The following PTPRG variants were observed in gnomAD, a reference collection of about 807,000 sequenced individuals.
The protein encoded by PTPRG is protein tyrosine phosphatase receptor type G, also known as receptor-type tyrosine-protein phosphatase gamma.
PTPRG carries 102 observed loss-of-function variants against 165.3 expected under a neutral mutation model. That is an observed-to-expected ratio of 0.62 (90% confidence interval 0.53 to 0.73). The LOEUF is 0.73. Ranked by LOEUF, PTPRG falls within the 30% of genes least tolerant of loss-of-function variation. PTPRG has a pLI of 0.00. For synonymous variants in PTPRG, 675 were observed against 669.5 expected, an observed-to-expected ratio of 1.01 and a Z score of -0.13; for missense variants, 1,866 against 1,861.4, an observed-to-expected ratio of 1.00 and a Z score of -0.05.
intron 1 of PTPRG, among the ~76,000 whole-genome samples, chr3:61,725,692 C>T (rs2032228294): frequency 1.3e-5 from 2 of 149,232 alleles, no homozygotes; most frequent in South Asian, 4.3e-4. Flanking sequence ...CCCTGCCTAC[C>T]TCCACCACTA....
rs368976276 is a variant in PTPRG, at chr3:62,062,367, T to A, written c.520-15796T>A. 3.3e-5 allele frequency among the ~76,000 whole-genome samples: 5 copies of A among 152,244 alleles called. No homozygotes were observed. The South Asian group carries it at 8.3e-4, about 25-fold the overall frequency. On this transcript the variant is annotated intron_variant, in intron 4 of 29. Transcript: ENST00000474889. ...CTGTTGTTTGATAAAGCAGGTACAT[T>A]TAAATGTTAAGGGAGGTATCTAGGT...
intron 2 of PTPRG, among the ~76,000 whole-genome samples, chr3:61,973,698 G>A (rs772716265): frequency 6.6e-6 from 1 of 152,010 alleles, no homozygotes; most frequent in Admixed American, 6.6e-5. Context: ...TGGGCGTGGT[G>A]GTGGGCGCCT....
intron 13 of PTPRG, among the ~76,000 whole-genome samples, chr3:62,221,142 T>C (rs1373111158): frequency 6.6e-6 from 1 of 152,250 alleles, no homozygotes; most frequent in Non-Finnish European, 1.5e-5. Flanking sequence ...CAACTGTTTA[T>C]ACTTCTGAAA....
intron 3 of PTPRG, among the ~76,000 whole-genome samples, chr3:62,001,166 T>G (rs2107717906): frequency 6.6e-6 from 1 of 152,288 alleles, no homozygotes; most frequent in African/African-American, 2.4e-5. Context: ...CTCATTCCAG[T>G]TTTGTGTGTA....
chr3:61,743,008 A>G, intron 1 of PTPRG: 1 of 1,557,134 alleles, frequency 6.4e-7, no homozygotes, highest in Non-Finnish European at 8.9e-7. Flanking sequence ...GCTGATCTGC[A>G]ACTCCACCGT....
chr3:61,887,164 A>ATATATATATATATATATATG (rs2038072515), intron 2 of PTPRG, among the ~76,000 whole-genome samples: 2 of 128,216 alleles, frequency 1.6e-5, no homozygotes, highest in Non-Finnish European at 3.2e-5. Context: ...ATATATATAT[A>ATATATATATATATATATATG]TATATATTTT....
At chr3:62,231,142 G>A in intron 13 of PTPRG, 83 bp from the exon 14 acceptor site, 1 of 1,043,320 alleles carries the variant, frequency 9.6e-7, no homozygotes, top group Non-Finnish European at 1.3e-6. Flanking sequence ...GATGGGAGGG[G>A]AGGGCATTTG....
intron 2 of PTPRG, among the ~76,000 whole-genome samples, chr3:61,984,464 C>T (rs1277159901): frequency 1.3e-5 from 2 of 152,104 alleles, no homozygotes; most frequent in African/African-American, 2.4e-5. Context: ...TAAATCAGTG[C>T]CCATCTCCCT....
intron 4 of PTPRG, among the ~76,000 whole-genome samples, chr3:62,032,031 C>T (rs1453234653): frequency 6.6e-6 from 1 of 152,184 alleles, no homozygotes; most frequent in Non-Finnish European, 1.5e-5. Context: ...TTAATATGCA[C>T]ATGGAAATTA....
At chr3:61,728,397 C>T (rs1013438065) in intron 1 of PTPRG, among the ~76,000 whole-genome samples, 1 of 152,142 alleles carries the variant, frequency 6.6e-6, no homozygotes, top group African/African-American at 2.4e-5. Flanking sequence ...GCCTGGTCAA[C>T]ATAGCAAGAC....
chr3:62,287,722 C>T (rs765729858), intron 28 of PTPRG, among the ~76,000 whole-genome samples: 1 of 152,148 alleles, frequency 6.6e-6, no homozygotes, highest in Non-Finnish European at 1.5e-5. Flanking sequence ...TACATTTGAT[C>T]AGTAGCATTC....
intron 1 of PTPRG, among the ~76,000 whole-genome samples, chr3:61,715,088 G>A (rs140444342): frequency 1.1e-3 from 168 of 152,208 alleles, no homozygotes; most frequent in African/African-American, 3.8e-3. Flanking sequence ...GGAAGTGAGT[G>A]CTAGAGGACA....
chr3:62,100,487 A>G (rs1702252354), intron 5 of PTPRG, among the ~76,000 whole-genome samples: 1 of 152,170 alleles, frequency 6.6e-6, no homozygotes, highest in African/African-American at 2.4e-5. Flanking sequence ...CAGTCAGACC[A>G]CAGAGAGGGG....
At position 62,228,963 on chromosome 3, in the gene PTPRG, T is replaced by G. The variant is rs979378635; in HGVS notation, c.2289-2262T>G. On this transcript the variant is annotated intron_variant, in intron 13 of 29. Transcript: ENST00000474889. The surrounding 1 kb of genome is among the most constrained non-coding windows in gnomAD (Gnocchi z 4.1). ...CTTTTAAAACTGGTGAGTGTGCCAT[T>G]CTTTTCTTTTTGGAACCCATATCTG... Among the ~76,000 whole-genome samples, 77 of 152,240 alleles carry G rather than the reference T, an allele frequency of 5.1e-4. No individual in the cohort carries two copies. The highest frequency in any genetic ancestry group is 1.8e-3 in the African/African-American group (74 of 41,460).
chr3:61,602,612 A>C (rs1376131612), intron 1 of PTPRG, among the ~76,000 whole-genome samples: 2 of 152,164 alleles, frequency 1.3e-5, no homozygotes, highest in Non-Finnish European at 2.9e-5. Flanking sequence ...TGCTTAATTA[A>C]CCAGACACTG....
chr3:61,833,530 G>A (rs1356793300), intron 2 of PTPRG, among the ~76,000 whole-genome samples: 1 of 152,052 alleles, frequency 6.6e-6, no homozygotes, highest in Non-Finnish European at 1.5e-5. Flanking sequence ...CACTTCACTT[G>A]CTTTCCTCAT....
rs140957383 is a variant in PTPRG, at chr3:62,032,499, A to G, written c.519+29002A>G. On this transcript the variant is annotated intron_variant, in intron 4 of 29. Coordinates refer to ENST00000474889, the MANE Select transcript of PTPRG (RefSeq NM_002841.4). Reference sequence around the variant, plus strand: ...CTCAGTAGAGCCTTTGTGGCTAGGAAGAGACAAAACAACTGGATTTTGTTG... The same window carrying G: ...CTCAGTAGAGCCTTTGTGGCTAGGAGGAGACAAAACAACTGGATTTTGTTG... Among the ~76,000 whole-genome samples the G allele has an allele frequency of 1.8e-3, 271 of 152,302 alleles. 1 individual carries two copies. In the East Asian group the frequency reaches 0.034, roughly 19 times the overall value.
intron 2 of PTPRG, among the ~76,000 whole-genome samples, chr3:61,975,907 T>G (rs534049534): frequency 6.6e-6 from 1 of 152,212 alleles, no homozygotes; most frequent in Non-Finnish European, 1.5e-5. Flanking sequence ...TTTTTATATA[T>G]TCTCCTTGTA....
chr3:62,017,070 G>A (rs1057457626), intron 4 of PTPRG, among the ~76,000 whole-genome samples: 3 of 152,230 alleles, frequency 2.0e-5, no homozygotes, highest in African/African-American at 7.2e-5. Context: ...TAGAGGAGGG[G>A]ATCAGAGGAG....
Sources: gnomAD v4.1 joint callset for allele counts (sites outside exome capture counted in the v4.1 genomes callset) on GRCh38, gnomAD v4.1.1 for gene constraint, Gnocchi (gnomAD v3.1) non-coding constraint, MANE v1.5 for transcripts, NCBI Gene and HGNC (gene_info 2026-07-23, HGNC 2026-07-21) for gene names.